The following IL1RAPL1 variants were observed in gnomAD, a reference collection of about 807,000 sequenced individuals.
The protein encoded by IL1RAPL1 is interleukin 1 receptor accessory protein like 1.
IL1RAPL1 carries 3 observed loss-of-function variants against 48.4 expected under a neutral mutation model. The ratio of observed to expected loss-of-function variants is 0.06; its 90% CI spans 0.03 to 0.16. The LOEUF (loss-of-function observed/expected upper bound fraction) is 0.16, where lower values mean the gene tolerates loss of function less well. Ranked by LOEUF, IL1RAPL1 falls within the 10% of genes least tolerant of loss-of-function variation. The pLI is 1.00. For synonymous variants in IL1RAPL1, 185 were observed against 187.7 expected (o/e 0.99, Z 0.12); for missense variants, 349 against 530.6 (o/e 0.66, Z 3.36).
At chrX:29,842,575 A>G (rs1466480447) in intron 6 of IL1RAPL1, among the ~76,000 whole-genome samples, 2 of 112,485 alleles carry the variant, frequency 1.8e-5, no homozygotes, top group African/African-American at 3.2e-5. Flanking sequence ...TAAAATGGCA[A>G]TTGTGTTAAT....
chrX:29,422,511 A>G (rs1934302980), intron 5 of IL1RAPL1, among the ~76,000 whole-genome samples: 1 of 112,145 alleles, frequency 8.9e-6, no homozygotes, highest in African/African-American at 3.2e-5. Flanking sequence ...TTCTGATTTT[A>G]GCAGATTTCC....
intron 9 of IL1RAPL1, among the ~76,000 whole-genome samples, chrX:29,945,282 A>C (rs1374614233): frequency 8.9e-6 from 1 of 112,004 alleles, no homozygotes; most frequent in Non-Finnish European, 1.9e-5. Flanking sequence ...GACATCATCA[A>C]ATCCCCATGC....
chrX:28,676,370 G>A (rs1282448801), intron 1 of IL1RAPL1, among the ~76,000 whole-genome samples: 2 of 111,785 alleles, frequency 1.8e-5, no homozygotes, highest in Non-Finnish European at 3.8e-5. Context: ...GAAAAGGAGA[G>A]GTTTAAAAGT....
intron 2 of IL1RAPL1, among the ~76,000 whole-genome samples, chrX:28,959,247 G>C (rs754746545): frequency 9.0e-6 from 1 of 111,103 alleles, no homozygotes; most frequent in East Asian, 2.8e-4. Flanking sequence ...TTCATAACTT[G>C]CTCTTTTTAC....
At chrX:29,339,829 T>G (rs973818125) in intron 3 of IL1RAPL1, among the ~76,000 whole-genome samples, 1 of 112,061 alleles carries the variant, frequency 8.9e-6, no homozygotes, top group Non-Finnish European at 1.9e-5. Flanking sequence ...GCTGTGACAG[T>G]TTTTCAGATT....
chrX:28,753,769 A>ATT (rs1936071933), intron 1 of IL1RAPL1, among the ~76,000 whole-genome samples: 1 of 112,234 alleles, frequency 8.9e-6, no homozygotes. Context: ...CATGAAGGCA[A>ATT]TTTATGAAAT....
intron 2 of IL1RAPL1, among the ~76,000 whole-genome samples, chrX:29,203,415 A>G (rs1404654628): frequency 1.8e-5 from 2 of 110,845 alleles, no homozygotes; most frequent in African/African-American, 3.3e-5. Flanking sequence ...GAACACTTCA[A>G]TTCTTTCAAG....
intron 2 of IL1RAPL1, among the ~76,000 whole-genome samples, chrX:29,012,263 C>T (rs895479361): frequency 1.8e-5 from 2 of 112,393 alleles, no homozygotes; most frequent in African/African-American, 3.2e-5. Context: ...GAGGCCCTGG[C>T]GGGGTGAGGT....
intron 5 of IL1RAPL1, among the ~76,000 whole-genome samples, chrX:29,594,320 T>C (rs1923474123): frequency 8.9e-6 from 1 of 112,000 alleles, no homozygotes; most frequent in Admixed American, 9.5e-5. Flanking sequence ...TGTACTTCTC[T>C]GTGCCTGTAG....
intron 1 of IL1RAPL1, among the ~76,000 whole-genome samples, chrX:28,646,517 C>G (rs1205638239): frequency 8.9e-6 from 1 of 112,355 alleles, no homozygotes; most frequent in Non-Finnish European, 1.9e-5. Flanking sequence ...AATCACAGCA[C>G]AAATACTTAT....
intron 1 of IL1RAPL1, among the ~76,000 whole-genome samples, chrX:28,727,995 C>T (rs998973441): frequency 9.1e-6 from 1 of 110,219 alleles, no homozygotes; most frequent in Admixed American, 9.8e-5. Context: ...GGGTGCAGCG[C>T]ACCAGCGTGG....
intron 2 of IL1RAPL1, among the ~76,000 whole-genome samples, chrX:28,994,085 A>G (rs1390559624): frequency 1.8e-5 from 2 of 110,823 alleles, no homozygotes; most frequent in African/African-American, 6.6e-5. Flanking sequence ...AAAAAGTATG[A>G]TATGTGGGTG....
chrX:29,007,445 T>C (rs1287020364), intron 2 of IL1RAPL1, among the ~76,000 whole-genome samples: 1 of 112,110 alleles, frequency 8.9e-6, no homozygotes, highest in East Asian at 2.8e-4. Context: ...AAATGTCTGT[T>C]AAAAAATACA....
chrX:29,471,779 T>C (rs1055970243), intron 5 of IL1RAPL1, among the ~76,000 whole-genome samples: 4 of 111,686 alleles, frequency 3.6e-5, no homozygotes, highest in African/African-American at 9.8e-5. Context: ...ATTTTGAATA[T>C]TTCATATAAA....
intron 2 of IL1RAPL1, among the ~76,000 whole-genome samples, chrX:28,969,468 CTT>C (rs756857321): frequency 2.0e-5 from 2 of 98,394 alleles, no homozygotes; most frequent in Admixed American, 1.1e-4. Context: ...ATATAGAAAG[CTT>C]TTTTTTTTTT....
intron 2 of IL1RAPL1, among the ~76,000 whole-genome samples, chrX:29,276,343 A>G (rs747940038): frequency 2.0e-4 from 22 of 112,142 alleles, no homozygotes; most frequent in Non-Finnish European, 3.6e-4. Flanking sequence ...AATTCAGTAA[A>G]CTATGTTTAA....
chrX:29,857,277 T>TAAA (rs1477775778), intron 6 of IL1RAPL1, among the ~76,000 whole-genome samples: 1 of 110,638 alleles, frequency 9.0e-6, no homozygotes, highest in African/African-American at 3.3e-5. Flanking sequence ...TAAAACATAA[T>TAAA]AATAAAACCC....
At chrX:29,908,271 T>G (rs1932684712) in intron 6 of IL1RAPL1, among the ~76,000 whole-genome samples, 1 of 109,812 alleles carries the variant, frequency 9.1e-6, no homozygotes, top group African/African-American at 3.3e-5. Context: ...TTTTTAAATT[T>G]CAAGCCTTGT....
intron 2 of IL1RAPL1, among the ~76,000 whole-genome samples, chrX:28,991,103 A>G (rs1644189067): frequency 1.8e-5 from 2 of 111,962 alleles, no homozygotes; most frequent in South Asian, 7.3e-4. Context: ...TTCTAAATGT[A>G]AGTCTTGTCT....
Sources: allele counts gnomAD v4.1 joint callset (sites outside exome capture counted in the v4.1 genomes callset), GRCh38; gene constraint gnomAD v4.1.1; transcripts MANE v1.5; gene names NCBI Gene and HGNC (gene_info 2026-07-23, HGNC 2026-07-21).